The following ZCCHC24 variants were observed in gnomAD, a reference collection of about 807,000 sequenced individuals.
The protein encoded by ZCCHC24 is zinc finger CCHC-type containing 24.
ZCCHC24 carries 10 observed loss-of-function variants against 26.2 expected under a neutral mutation model. That is an observed-to-expected ratio of 0.38 (90% CI 0.24 to 0.65). ZCCHC24 has a LOEUF of 0.65. Among genes scored for constraint, ZCCHC24 ranks in the 30% least tolerant of loss-of-function variants. The pLI, the probability that ZCCHC24 is intolerant of heterozygous loss-of-function variation, is 0.54. For synonymous variants in ZCCHC24, 144 were observed against 147.1 expected (o/e 0.98, Z 0.15); for missense variants, 243 against 329.1 (o/e 0.74, Z 2.03).
intron 3 of ZCCHC24, 103 bp downstream of exon 3, chr10:79,394,173 C>T (rs1589660046): frequency 6.8e-7 from 1 of 1,468,184 alleles, no homozygotes; most frequent in Non-Finnish European, 9.1e-7. Context: ...AAAGGGTCAA[C>T]TTAGAGAGAT....
At chr10:79,444,738 C>T (rs954383694) in intron 1 of ZCCHC24, among the ~76,000 whole-genome samples, 1 of 152,230 alleles carries the variant, frequency 6.6e-6, no homozygotes, top group Non-Finnish European at 1.5e-5. Flanking sequence ...ATTTTAGGCC[C>T]TTCCAGAGGA....
At chr10:79,421,344 A>G (rs1220642643) in intron 2 of ZCCHC24, among the ~76,000 whole-genome samples, 1 of 152,048 alleles carries the variant, frequency 6.6e-6, no homozygotes, top group African/African-American at 2.4e-5. Context: ...TTCAGCACCC[A>G]TCCCCTGCTA....
At chr10:79,422,389 G>T (rs1421128265) in intron 2 of ZCCHC24, among the ~76,000 whole-genome samples, 1 of 152,186 alleles carries the variant, frequency 6.6e-6, no homozygotes, top group African/African-American at 2.4e-5. Flanking sequence ...GCCTCCAACA[G>T]CCTACTCCCT....
chr10:79,422,491 C>T (rs1856957130), intron 2 of ZCCHC24, among the ~76,000 whole-genome samples: 1 of 152,184 alleles, frequency 6.6e-6, no homozygotes, highest in African/African-American at 2.4e-5. Context: ...GAGGACTGGG[C>T]CAGCCCCCTC....
chr10:79,431,875 C>G (rs1857135192), intron 2 of ZCCHC24, among the ~76,000 whole-genome samples: 1 of 152,182 alleles, frequency 6.6e-6, no homozygotes, highest in Non-Finnish European at 1.5e-5. Flanking sequence ...CCCAGGATCC[C>G]AAAACCATGT....
intron 2 of ZCCHC24, among the ~76,000 whole-genome samples, chr10:79,402,541 T>C (rs1230716003): frequency 2.0e-5 from 3 of 152,192 alleles, no homozygotes; most frequent in Non-Finnish European, 2.9e-5. Context: ...TCCCAAAGTG[T>C]GGGGATTATA....
At chr10:79,407,086 C>T (rs1250036595) in intron 2 of ZCCHC24, among the ~76,000 whole-genome samples, 8 of 152,240 alleles carry the variant, frequency 5.3e-5, no homozygotes, top group Non-Finnish European at 1.0e-4. Flanking sequence ...GCCACAGTGC[C>T]ACCCTAGGGC....
rs1332095189 is a variant in ZCCHC24, at chr10:79,412,884, G to A, written c.448-18444C>T. ...TCGAGAAGCTTTAAGGAGCTCATGA[G>A]TACCAAGCACATGGCTGGAATTCAG... On this transcript the variant is annotated intron_variant, in intron 2 of 3. Transcript: ENST00000372336. 2.0e-5 allele frequency among the ~76,000 whole-genome samples: 3 copies of A among 152,214 alleles called. 1 individual carries two copies. The highest frequency in any genetic ancestry group is 4.4e-5 in the Non-Finnish European group (3 of 68,050).
chr10:79,405,078 G>A (rs11002961), intron 2 of ZCCHC24, among the ~76,000 whole-genome samples: 18 of 152,288 alleles, frequency 1.2e-4, no homozygotes, highest in Admixed American at 7.8e-4. Context: ...CCCACCCGCC[G>A]CCTTGCCCTG....
Position 79,386,185 on chromosome 10 carries a change from A to T in ZCCHC24, c.*160T>A. 1.5e-6 allele frequency: 1 copy of T among 646,958 alleles called. No homozygotes were observed. The highest frequency in any genetic ancestry group is 2.8e-6 in the Non-Finnish European group (1 of 354,694). The allele number at this position is 646,958 out of a possible 1,614,324, so 40.1% of individuals were successfully genotyped here. On this transcript the variant is annotated 3_prime_UTR_variant, in exon 4 of 4. Transcript: ENST00000372336. ...GCAATGTCAGTAACACTGTTTGTCA[A>T]CACACACAAGACAAGGACGCTAAGA...
At position 79,445,142 on chromosome 10, in the gene ZCCHC24, G is replaced by C. The variant is rs1306027823; in HGVS notation, c.246+53C>G. On this transcript the variant is annotated intron_variant, in intron 1 of 3. Coordinates refer to ENST00000372336, the MANE Select transcript of ZCCHC24 (RefSeq NM_153367.4). ...GGTCAGACAGGGAACGGCCCGCCAC[G>C]GTGGGGCGGTGGGGCGGTGGGGCGG... The C allele has an allele frequency of 3.2e-6, 4 of 1,249,408 alleles. No homozygotes were observed. In the African/African-American group the frequency reaches 6.3e-5, roughly 20 times the overall value. 77.4% of individuals were successfully genotyped at this position (1,249,408 alleles called of 1,614,324 possible). A position where few individuals can be genotyped will look rare whatever the true frequency, so the allele number is the denominator to read the frequency against.
At chr10:79,429,780 AAAT>A (rs1338726471) in intron 2 of ZCCHC24, among the ~76,000 whole-genome samples, 1 of 152,204 alleles carries the variant, frequency 6.6e-6, no homozygotes, top group Non-Finnish European at 1.5e-5. Flanking sequence ...TTCTACTTTT[AAAT>A]ATTATAGAAA....
intron 2 of ZCCHC24, among the ~76,000 whole-genome samples, chr10:79,421,765 T>C (rs1393911178): frequency 2.0e-5 from 3 of 152,102 alleles, no homozygotes; most frequent in African/African-American, 7.2e-5. Context: ...TAACTGGGAT[T>C]ATAGGTGTGC....
At chr10:79,430,686 C>CACCACACACACACACA (rs370025190) in intron 2 of ZCCHC24, among the ~76,000 whole-genome samples, 3,706 of 140,528 alleles carry the variant, frequency 0.026, 67 homozygotes, top group Non-Finnish European at 0.037. Flanking sequence ...CACACACACA[C>CACCACACACACACACA]CACACACACA....
At chr10:79,394,222 G>A in intron 3 of ZCCHC24, 54 bp downstream of exon 3, 1 of 1,582,296 alleles carries the variant, frequency 6.3e-7, no homozygotes, top group Non-Finnish European at 8.6e-7. Flanking sequence ...TCCGGTAAGG[G>A]AAAAGTTGCC....
In ZCCHC24 at chr10:79,386,047, C is replaced by G; in HGVS notation, c.*298G>C. On this transcript the variant is annotated 3_prime_UTR_variant, in exon 4 of 4. Transcript: ENST00000372336. ...GCTCTCAGAGGCGAGCCTGTGGGGA[C>G]ACCCAGGGCTCCTGGACATGGGCTT... 1 of 533,802 alleles carries G rather than the reference C, an allele frequency of 1.9e-6. No individual in the cohort carries two copies. The highest frequency in any genetic ancestry group is 3.4e-6 in the Non-Finnish European group (1 of 296,854). 33.1% of individuals were successfully genotyped at this position (533,802 alleles called of 1,614,324 possible). A position where few individuals can be genotyped will look rare whatever the true frequency, so the allele number is the denominator to read the frequency against.
At chr10:79,392,521 C>A (rs58142007) in intron 3 of ZCCHC24, among the ~76,000 whole-genome samples, 13,371 of 152,272 alleles carry the variant, frequency 0.088, 662 homozygotes, top group Non-Finnish European at 0.097. Context: ...CGTTTTGCCC[C>A]TGCACCATCA....
intron 2 of ZCCHC24, among the ~76,000 whole-genome samples, chr10:79,416,887 C>G (rs984038037): frequency 6.6e-6 from 1 of 152,076 alleles, no homozygotes; most frequent in Non-Finnish European, 1.5e-5. Flanking sequence ...GAGCAGTGCC[C>G]GGAACACAGT....
At chr10:79,431,902 G>A (rs76869267) in intron 2 of ZCCHC24, among the ~76,000 whole-genome samples, 11,062 of 152,250 alleles carry the variant, frequency 0.073, 498 homozygotes, top group South Asian at 0.16. Context: ...GTGGGTCAGG[G>A]ACCATCCTGT....
Sources: gnomAD v4.1 joint callset for allele counts (sites outside exome capture counted in the v4.1 genomes callset) on GRCh38, gnomAD v4.1.1 for gene constraint, MANE v1.5 for transcripts, NCBI Gene and HGNC (gene_info 2026-07-23, HGNC 2026-07-21) for gene names.